ABI2: variants seen among roughly 807,000 people sequenced by gnomAD.
The protein encoded by ABI2 is abelson interactor 2.
Under a neutral mutation model 59.2 loss-of-function variants are expected in ABI2, and 25 were observed. That is an observed-to-expected ratio of 0.42 (90% CI 0.31 to 0.59). ABI2 has a LOEUF of 0.59. Among genes scored for constraint, ABI2 ranks in the 20% least tolerant of loss-of-function variants. The probability of loss-of-function intolerance (pLI) is 0.14; values close to 1 mark genes in which losing one functional copy is unlikely to be tolerated. For synonymous variants in ABI2, 213 were observed against 235.5 expected, an observed-to-expected ratio of 0.90 and a Z score of 0.87; for missense variants, 545 against 681.8, an observed-to-expected ratio of 0.80 and a Z score of 2.23.
chr2:203,385,088 C>G (rs1253357858), intron 4 of ABI2, among the ~76,000 whole-genome samples: 3 of 149,772 alleles, frequency 2.0e-5, no homozygotes, highest in Non-Finnish European at 3.0e-5. Flanking sequence ...CCGCCTCGGC[C>G]TCCCAAAGTG....
Position 203,394,714 on chromosome 2 carries a change from A to G in ABI2, c.593A>G (p.Tyr198Cys), listed in dbSNP as rs772675483. The G allele has an allele frequency of 1.9e-6, 3 of 1,614,022 alleles. No homozygotes were observed. The highest frequency in any genetic ancestry group is 1.7e-5 in the Admixed American group (1 of 60,014). ...GKGTLGRHSP[Y>C]RTLEPVRPPV... The stretch of plus-strand genomic sequence containing the variant: ...TCTTTTTGTAGGCGGCACTCCCCCT[A>G]TCGCACACTGGAGCCAGTGCGTCCT... The change falls in exon 6 of 12, where the codon TAT (tyrosine) becomes TGT (cysteine). Residue 198 changes from tyrosine to cysteine, a missense_variant. Transcript: ENST00000261018.
chr2:203,367,111 A>G, intron 2 of ABI2, 67 bp downstream of exon 2: 2 of 1,464,196 alleles, frequency 1.4e-6, no homozygotes, highest in South Asian at 3.2e-5. Flanking sequence ...GCTATCTGTA[A>G]TGCTGGCAGC....
At chr2:203,412,804 T>G (rs1396147643) in intron 10 of ABI2, among the ~76,000 whole-genome samples, 1 of 152,164 alleles carries the variant, frequency 6.6e-6, no homozygotes, top group Non-Finnish European at 1.5e-5. Flanking sequence ...GGATACAGGG[T>G]CACTGTTGCC....
chr2:203,328,737 C>A, intron 1 of ABI2, 106 bp downstream of exon 1: 1 of 613,224 alleles, frequency 1.6e-6, no homozygotes, highest in Non-Finnish European at 2.6e-6. Flanking sequence ...CCAGCGGAGC[C>A]CCCGATGGGG....
intron 8 of ABI2, 84 bp downstream of exon 8, chr2:203,397,051 G>T: frequency 1.6e-6 from 2 of 1,284,264 alleles, no homozygotes; most frequent in Non-Finnish European, 2.0e-6. Flanking sequence ...GTTTGTTTTT[G>T]GTTTTGTTGT....
chr2:203,343,951 G>A (rs943690168), intron 1 of ABI2, among the ~76,000 whole-genome samples: 3 of 152,062 alleles, frequency 2.0e-5, no homozygotes, highest in African/African-American at 7.2e-5. Context: ...GCAAAAAGAC[G>A]AGAGAGACCC....
intron 3 of ABI2, among the ~76,000 whole-genome samples, chr2:203,381,467 G>T (rs1242028039): frequency 1.3e-5 from 2 of 152,120 alleles, no homozygotes; most frequent in Non-Finnish European, 2.9e-5. Flanking sequence ...GGGCCTGTCT[G>T]TGTTGCCCAG....
intron 2 of ABI2, chr2:203,375,938 C>G: frequency 1.5e-6 from 1 of 661,846 alleles, no homozygotes; most frequent in Non-Finnish European, 2.5e-6. Context: ...ACAGGCAATA[C>G]TGCAGTTCAA....
intron 1 of ABI2, among the ~76,000 whole-genome samples, chr2:203,355,829 CAAA>C (rs771519788): frequency 5.8e-5 from 4 of 68,506 alleles, no homozygotes; most frequent in Non-Finnish European, 8.0e-5. Flanking sequence ...AAAACTGTCT[CAAA>C]AAAAAAAAAA....
At chr2:203,395,522 A>C in intron 6 of ABI2, 134 bp from the exon 7 acceptor site, 6 of 947,004 alleles carry the variant, frequency 6.3e-6, no homozygotes, top group Non-Finnish European at 8.8e-6. Context: ...GAGCTCAAGG[A>C]AATTTTATTT....
intron 1 of ABI2, among the ~76,000 whole-genome samples, chr2:203,350,049 G>A (rs563834619): frequency 1.3e-5 from 2 of 152,126 alleles, no homozygotes; most frequent in South Asian, 4.2e-4. Context: ...CCACATTGTT[G>A]TCAGCATTTG....
chr2:203,430,594 C>A lies in ABI2; in HGVS notation c.*3242C>A, dbSNP rs537885877. On this transcript the variant is annotated 3_prime_UTR_variant, in exon 12 of 12. Transcript: ENST00000261018. ...CCTCCCATTTGGAATAAATATGAAT[C>A]TTCTAAGCTATCTTGTTTAATATTT... The A allele has an allele frequency of 6.6e-6, 1 of 152,302 alleles. No individual in the cohort carries two copies. Among genetic ancestry groups the A allele is most frequent in the African/African-American group, 2.4e-5 (1 of 41,560 alleles). The allele number at this position is 152,302 out of a possible 1,614,324, so 9.4% of individuals were successfully genotyped here.
Position 203,421,854 on chromosome 2 carries a change from C to A in ABI2, c.1453+4773C>A, listed in dbSNP as rs556470515. 7.9e-5 allele frequency among the ~76,000 whole-genome samples: 12 copies of A among 151,638 alleles called. No individual in the cohort carries two copies. In the East Asian group the frequency reaches 1.9e-3, roughly 25 times the overall value. The stretch of plus-strand genomic sequence containing the variant: ...TGGTGCACGCCTGTAGTCCCAGCAA[C>A]TCAGGAGGCTGAGGCAGGAGAATCA... On this transcript the variant is annotated intron_variant, in intron 11 of 11. Coordinates refer to ENST00000261018, the MANE Select transcript of ABI2 (RefSeq NM_001375670.1).
intron 1 of ABI2, among the ~76,000 whole-genome samples, chr2:203,363,116 C>G (rs530943532): frequency 2.7e-5 from 4 of 150,938 alleles, no homozygotes; most frequent in Non-Finnish European, 4.4e-5. Flanking sequence ...CAGGTGTGGC[C>G]CAGTGCACCT....
chr2:203,392,006 A>G (rs2096759654), intron 5 of ABI2, among the ~76,000 whole-genome samples: 1 of 152,160 alleles, frequency 6.6e-6, no homozygotes, highest in Non-Finnish European at 1.5e-5. Context: ...AGTATAGCCC[A>G]GAAGCCAGGT....
chr2:203,379,821 A>G (rs1249919337), intron 2 of ABI2, among the ~76,000 whole-genome samples: 1 of 152,192 alleles, frequency 6.6e-6, no homozygotes, highest in Non-Finnish European at 1.5e-5. Context: ...TACAGTGTAA[A>G]GCCTAGACAG....
intron 1 of ABI2, among the ~76,000 whole-genome samples, chr2:203,344,984 A>C (rs192672131): frequency 6.6e-6 from 1 of 152,338 alleles, no homozygotes; most frequent in Non-Finnish European, 1.5e-5. Context: ...AAAATGGACC[A>C]ATCAGTAGGA....
At chr2:203,416,684 G>C (rs1201832062) in intron 10 of ABI2, among the ~76,000 whole-genome samples, 1 of 152,164 alleles carries the variant, frequency 6.6e-6, no homozygotes, top group Non-Finnish European at 1.5e-5. Context: ...ACTTTATTCA[G>C]TGTCCATTAG....
At chr2:203,333,935 TTTTC>T (rs2152351803) in intron 1 of ABI2, among the ~76,000 whole-genome samples, 2 of 151,474 alleles carry the variant, frequency 1.3e-5, no homozygotes, top group South Asian at 4.2e-4. Context: ...TTCTTTTCTT[TTTTC>T]TTTCTTTTTT....
Sources: gnomAD v4.1 joint callset for allele counts (sites outside exome capture counted in the v4.1 genomes callset) on GRCh38, gnomAD v4.1.1 for gene constraint, MANE v1.5 for transcripts, NCBI Gene and HGNC (gene_info 2026-07-23, HGNC 2026-07-21) for gene names.